Variants in POLE observed in about 807,000 individuals in gnomAD.
The protein encoded by POLE is DNA polymerase epsilon, catalytic subunit, also known as DNA polymerase epsilon catalytic subunit A.
Under a neutral mutation model 279.2 loss-of-function variants are expected in POLE, and 188 were observed. The observed-to-expected ratio is 0.67, with a 90% CI of 0.60 to 0.76. The LOEUF (loss-of-function observed/expected upper bound fraction) is 0.76, where lower values mean the gene tolerates loss of function less well. Ranked by LOEUF, POLE falls within the 30% of genes least tolerant of loss-of-function variation. The pLI, the probability that POLE is intolerant of heterozygous loss-of-function variation, is 0.00. For synonymous variants in POLE, 1,214 were observed against 1,172.5 expected, an observed-to-expected ratio of 1.04 and a Z score of -0.72; for missense variants, 2,703 against 3,016.7, an observed-to-expected ratio of 0.90 and a Z score of 2.44.
intron 25 of POLE, chr12:132,659,717 G>C (rs1225125231): frequency 5.4e-6 from 3 of 553,070 alleles, no homozygotes; most frequent in Non-Finnish European, 6.5e-6. Flanking sequence ...TTTTGAGACA[G>C]AGTCTCATTC....
chr12:132,675,468 C>G lies in POLE; in HGVS notation c.1156G>C (p.Glu386Gln). ...TGGCTGTCCTTCTGGAAGCCTATCT[C>G]CTGCTGCATGCTCAGACCGTGGACT... Reference protein sequence around the residue: ...AAVHGLSMQQEIGFQKDSQGE... With the variant: ...AAVHGLSMQQQIGFQKDSQGE... Residue 386 changes from glutamate (E) to glutamine (Q), a missense_variant, in exon 12 of 49, where the codon GAG becomes CAG. Glu to Gln is a conservative substitution (Grantham distance 29, BLOSUM62 2). Transcript: ENST00000320574. The surrounding 1 kb of genome is among the most constrained non-coding windows in gnomAD (Gnocchi z 4.3). The G allele has an allele frequency of 6.2e-7, 1 of 1,614,162 alleles. No individual in the cohort carries two copies. The highest frequency in any genetic ancestry group is 8.5e-7 in the Non-Finnish European group (1 of 1,180,012).
chr12:132,633,887 T>C, intron 43 of POLE: 1 of 303,932 alleles, frequency 3.3e-6, no homozygotes, highest in Non-Finnish European at 6.1e-6. Flanking sequence ...CCGAATCAGA[T>C]GGCGGGAGCA....
chr12:132,657,435 T>C lies in POLE; in HGVS notation c.3379-6A>G, dbSNP rs754281673. On this transcript the variant is annotated splice_polypyrimidine_tract_variant and splice_region_variant and intron_variant, in intron 27 of 48. Coordinates refer to ENST00000320574, the MANE Select transcript of POLE (RefSeq NM_006231.4). ...TAGTAGTCCCAATCCAGAATCTGCA[T>C]GTGCAGGAAACGGGCACAGAGAACA... 3.7e-6 allele frequency: 6 copies of C among 1,613,800 alleles called. No individual in the cohort carries two copies. In the African/African-American group the frequency reaches 4.0e-5, roughly 11 times the overall value.
intron 35 of POLE, 26 bp downstream of exon 35, chr12:132,643,198 G>A (rs2042193290): frequency 1.2e-6 from 2 of 1,604,118 alleles, no homozygotes; most frequent in Admixed American, 1.7e-5. Flanking sequence ...CAGCCAATGT[G>A]CTGCCATGGA....
At position 132,643,879 on chromosome 12, in the gene POLE, A is replaced by T. The variant is rs754358557; in HGVS notation, c.4248T>A (p.Ala1416=). The T allele has an allele frequency of 6.2e-7, 1 of 1,614,146 alleles. No homozygotes were observed. Among genetic ancestry groups the T allele is most frequent in the East Asian group, 2.2e-5 (1 of 44,888 alleles). The change falls in exon 33 of 49, where the codon GCT becomes GCA. Residue 1416 remains alanine, a synonymous_variant. Coordinates refer to ENST00000320574, the MANE Select transcript of POLE (RefSeq NM_006231.4). ...MYQEHINEIN[A]ELSAPDIEGV... The stretch of plus-strand genomic sequence containing the variant: ...CCTCGATGTCTGGCGCTGACAGCTC[A>T]GCGTTGATCTCGTTGATGTGTTCCT...
In POLE at chr12:132,677,656, C is replaced by A. The variant is rs1295500711; in HGVS notation, c.642G>T (p.Gln214His). The A allele has an allele frequency of 1.2e-6, 2 of 1,614,154 alleles. No homozygotes were observed. Among genetic ancestry groups the A allele is most frequent in the Non-Finnish European group, 1.7e-6 (2 of 1,179,998 alleles). Residue 214 changes from glutamine to histidine, a missense_variant, in exon 7 of 49, where the codon CAG becomes CAT. By Grantham distance (24) the Gln-to-His change is conservative. Transcript: ENST00000320574. ...EEETSKKIAD[Q>H]LDNIVDMREY... is the part of the protein sequence containing the mutation. Reference sequence around the variant, plus strand: ...CGCGCATGTCCACAATGTTGTCCAACTGGTCAGCTATCTTCTTAGAGGTTT... The same window carrying A: ...CGCGCATGTCCACAATGTTGTCCAAATGGTCAGCTATCTTCTTAGAGGTTT...
At chr12:132,650,944 C>T (rs1484365896) in intron 29 of POLE, 1 of 142,508 alleles carries the variant, frequency 7.0e-6, no homozygotes, top group East Asian at 2.1e-4. Context: ...GGCACGATCT[C>T]ATCTCACTGC....
chr12:132,632,833 GC>G (rs2041962787), intron 43 of POLE, 38 bp from the exon 44 acceptor site: 1 of 1,557,654 alleles, frequency 6.4e-7, no homozygotes, highest in East Asian at 2.3e-5. Flanking sequence ...CCTGAGTCGG[GC>G]TGCTGCAAAC....
chr12:132,670,608 A>G (rs935236792), intron 16 of POLE, among the ~76,000 whole-genome samples: 13 of 148,936 alleles, frequency 8.7e-5, no homozygotes, highest in Admixed American at 3.3e-4. Context: ...CTCCTGCCTC[A>G]GCCTCCCGAG....
At chr12:132,670,728 C>G (rs1314039036) in intron 16 of POLE, among the ~76,000 whole-genome samples, 2 of 151,984 alleles carry the variant, frequency 1.3e-5, no homozygotes, top group East Asian at 3.9e-4. Flanking sequence ...CTCCTGACCT[C>G]GTGATCCACC....
At chr12:132,637,302 T>G (rs974175593) in intron 41 of POLE, among the ~76,000 whole-genome samples, 1 of 152,218 alleles carries the variant, frequency 6.6e-6, no homozygotes, top group African/African-American at 2.4e-5. Flanking sequence ...ATGCTACCCC[T>G]GTAACCATGC....
At chr12:132,652,306 G>A (rs1043448517) in intron 29 of POLE, among the ~76,000 whole-genome samples, 20 of 131,252 alleles carry the variant, frequency 1.5e-4, no homozygotes, top group African/African-American at 5.2e-4. Context: ...ACCAAAGATT[G>A]TAGTTTCCTT....
At position 132,664,156 on chromosome 12, in the gene POLE, G is replaced by T. The variant is rs1196917319; in HGVS notation, c.2562-8C>A. 6.2e-7 allele frequency: 1 copy of T among 1,613,692 alleles called. No individual in the cohort carries two copies. The highest frequency in any genetic ancestry group is 2.2e-5 in the East Asian group (1 of 44,894). ...TCCAGCTCTAAGGGCCTCCTTCAGA[G>T]AAAGAGAGGAGCAAGGTCGTGAGTT... On this transcript the variant is annotated splice_region_variant and splice_polypyrimidine_tract_variant and intron_variant, in intron 22 of 48. Coordinates refer to ENST00000320574, the MANE Select transcript of POLE (RefSeq NM_006231.4). This position sits in a 1 kb window ranked among gnomAD's most constrained non-coding sequence, Gnocchi z 5.3.
Position 132,668,077 on chromosome 12 carries a change from C to T in POLE, c.2173+279G>A, listed in dbSNP as rs1314609451. On this transcript the variant is annotated intron_variant, in intron 19 of 48. Coordinates refer to ENST00000320574, the MANE Select transcript of POLE (RefSeq NM_006231.4). This position sits in a 1 kb window ranked among gnomAD's most constrained non-coding sequence, Gnocchi z 4.0. ...CAGCCTGGGTGACAGAGTGAGACCT[C>T]ATTTCAAAAAAAAAAAGAAAGAAAT... Among the ~76,000 whole-genome samples the T allele has an allele frequency of 1.2e-5, 1 of 83,506 alleles. No homozygotes were observed. The highest frequency in any genetic ancestry group is 2.1e-5 in the Non-Finnish European group (1 of 46,514). 54.8% of individuals were successfully genotyped at this position (83,506 alleles called of 152,430 possible).
chr12:132,642,654 C>G lies in POLE; in HGVS notation c.4804G>C (p.Val1602Leu). 1 of 1,613,354 alleles carries G rather than the reference C, an allele frequency of 6.2e-7. No individual in the cohort carries two copies. Among genetic ancestry groups the G allele is most frequent in the Non-Finnish European group, 8.5e-7 (1 of 1,180,024 alleles). Residue 1602 changes from valine (V) to leucine (L), a missense_variant, in exon 37 of 49, where the codon GTC (valine) becomes CTC (leucine). By Grantham distance (32) the Val-to-Leu change is conservative (BLOSUM62 1). Around this residue, in one of 5 missense-constraint regions of POLE, gnomAD observed 1,551 missense variants for 1,686.1 expected, o/e 0.92. Coordinates refer to ENST00000320574, the MANE Select transcript of POLE (RefSeq NM_006231.4). ...ELKRLASEIP[V>L]LEEFPLVPIC... ...GGCACCAGTGGGAATTCCTCCAAGACAGGAATTTCACTGGCCAGCCTCTTC... is the reference window on the plus strand; with the variant it reads ...GGCACCAGTGGGAATTCCTCCAAGAGAGGAATTTCACTGGCCAGCCTCTTC...
chr12:132,641,443 C>G, intron 39 of POLE: 2 of 595,284 alleles, frequency 3.4e-6, no homozygotes, highest in African/African-American at 1.9e-5. Flanking sequence ...AGGCAGCACA[C>G]TGAACAGTCG....
At position 132,632,815 on chromosome 12, in the gene POLE, C is replaced by T. The variant is rs1410838284; in HGVS notation, c.6005-20G>A. 6.3e-7 allele frequency: 1 copy of T among 1,582,162 alleles called. No homozygotes were observed. The highest frequency in any genetic ancestry group is 8.6e-7 in the Non-Finnish European group (1 of 1,165,454). ...TGTACGCTGTGGAGAGGCACACACA[C>T]CACAGGCCCTGAGTCGGGCTGCTGC... On this transcript the variant is annotated intron_variant, in intron 43 of 48. Transcript: ENST00000320574.
intron 20 of POLE, among the ~76,000 whole-genome samples, chr12:132,666,538 C>T (rs978349931): frequency 2.6e-5 from 4 of 152,256 alleles, no homozygotes; most frequent in Non-Finnish European, 4.4e-5. Flanking sequence ...GCCAAGGTCA[C>T]ACCACTGTGC....
At chr12:132,676,240 G>T in intron 9 of POLE, 36 bp from the exon 10 acceptor site, 2 of 1,453,758 alleles carry the variant, frequency 1.4e-6, no homozygotes, top group Non-Finnish European at 9.6e-7. Context: ...ACAAGTCAGA[G>T]GCTGCAAAGC....
Sources: allele counts gnomAD v4.1 joint callset (sites outside exome capture counted in the v4.1 genomes callset), GRCh38; gene constraint gnomAD v4.1.1; regional missense constraint gnomAD v4.1.1; non-coding constraint Gnocchi (gnomAD v3.1); transcripts MANE v1.5; gene names NCBI Gene and HGNC (gene_info 2026-07-23, HGNC 2026-07-21).